Variants in MECOM observed in about 807,000 individuals in gnomAD.
MECOM encodes MDS1 and EVI1 complex locus, also known as histone-lysine N-methyltransferase MECOM.
A neutral mutation model predicts 116.3 loss-of-function variants in MECOM; 13 were observed. The observed-to-expected ratio is 0.11, with a 90% CI of 0.07 to 0.18. The LOEUF is 0.18. MECOM is among the 10% of genes least tolerant of loss of function. MECOM has a pLI of 1.00. For missense variants in MECOM, 1,299 were observed against 1,509.0 expected, an observed-to-expected ratio of 0.86 and a Z score of 2.31; for synonymous variants, 528 against 535.2, an observed-to-expected ratio of 0.99 and a Z score of 0.19.
intron 1 of MECOM, among the ~76,000 whole-genome samples, chr3:169,446,572 C>T (rs1221702839): frequency 6.6e-6 from 1 of 152,200 alleles, no homozygotes; most frequent in Non-Finnish European, 1.5e-5. Context: ...AGCCACCTTG[C>T]CCTGAGTTTA....
intron 1 of MECOM, among the ~76,000 whole-genome samples, chr3:169,508,308 G>A (rs1285683796): frequency 1.3e-5 from 2 of 151,928 alleles, no homozygotes; most frequent in African/African-American, 4.8e-5. Context: ...TGTTTTAACC[G>A]CTGTAAAATC....
chr3:169,489,069 A>G (rs1485387519), intron 1 of MECOM, among the ~76,000 whole-genome samples: 2 of 152,132 alleles, frequency 1.3e-5, no homozygotes, highest in African/African-American at 4.8e-5. Flanking sequence ...TACACAAGAG[A>G]TTTTTAAATG....
chr3:169,660,209 G>A (rs990140247), intron 1 of MECOM, among the ~76,000 whole-genome samples: 6 of 152,158 alleles, frequency 3.9e-5, no homozygotes, highest in Non-Finnish European at 7.4e-5. Context: ...AAGTCTCCCC[G>A]CGCTGCCAGA....
intron 1 of MECOM, among the ~76,000 whole-genome samples, chr3:169,505,253 G>A (rs1440578614): frequency 6.6e-6 from 1 of 151,406 alleles, no homozygotes; most frequent in Non-Finnish European, 1.5e-5. Context: ...AATTCTCAAA[G>A]TAGTTACAAT....
chr3:169,584,330 C>T (rs1268868391), intron 1 of MECOM, among the ~76,000 whole-genome samples: 3 of 151,768 alleles, frequency 2.0e-5, no homozygotes, highest in Non-Finnish European at 1.5e-5. Flanking sequence ...CTTTGGGAGG[C>T]CGGGGCGGGC....
In MECOM at chr3:169,263,109, A is replaced by G. The variant is rs1324082145; in HGVS notation, c.375+118078T>C. On this transcript the variant is annotated intron_variant, in intron 2 of 16. Transcript: ENST00000651503. ...TATATATATATATATATATATATAT[A>G]TATATATATATATATATATGTTTTT... 1.3e-3 allele frequency among the ~76,000 whole-genome samples: 90 copies of G among 70,548 alleles called. 1 individual carries two copies. The highest frequency in any genetic ancestry group is 4.2e-3 in the African/African-American group (45 of 10,792). 46.3% of individuals were successfully genotyped at this position (70,548 alleles called of 152,430 possible). A position where few individuals can be genotyped will look rare whatever the true frequency, so the allele number is the denominator to read the frequency against.
chr3:169,645,961 A>G (rs959963180), intron 1 of MECOM, among the ~76,000 whole-genome samples: 1 of 152,114 alleles, frequency 6.6e-6, no homozygotes, highest in Non-Finnish European at 1.5e-5. Context: ...CTATGCAGCC[A>G]TATTTGAAAG....
At chr3:169,438,314 T>A (rs1420533622) in intron 1 of MECOM, among the ~76,000 whole-genome samples, 1 of 152,166 alleles carries the variant, frequency 6.6e-6, no homozygotes, top group East Asian at 1.9e-4. Flanking sequence ...TGAGTCAAAA[T>A]TTGACATTCA....
chr3:169,467,853 A>G (rs1302959807), intron 1 of MECOM, among the ~76,000 whole-genome samples: 1 of 152,204 alleles, frequency 6.6e-6, no homozygotes, highest in Non-Finnish European at 1.5e-5. Flanking sequence ...ATAGGAAAGA[A>G]AATTGAGATG....
intron 9 of MECOM, among the ~76,000 whole-genome samples, chr3:169,109,104 A>G (rs1009688487): frequency 2.2e-4 from 33 of 152,232 alleles, no homozygotes; most frequent in Admixed American, 4.6e-4. Flanking sequence ...GATCCAAAAT[A>G]GGAACAAACG....
chr3:169,433,689 G>GAAAGAAAGAGAA (rs762521796), intron 1 of MECOM, among the ~76,000 whole-genome samples: 6 of 96,854 alleles, frequency 6.2e-5, no homozygotes, highest in South Asian at 3.5e-4. Flanking sequence ...AAGAAAGAAA[G>GAAAGAAAGAGAA]AGAAAGAAAG....
At chr3:169,318,994 G>A (rs113647062) in intron 2 of MECOM, among the ~76,000 whole-genome samples, 12 of 151,984 alleles carry the variant, frequency 7.9e-5, no homozygotes, top group African/African-American at 2.4e-4. Context: ...AGCTACTCGG[G>A]AGGTGAGGCA....
chr3:169,536,018 T>TA (rs1576764045), intron 1 of MECOM, among the ~76,000 whole-genome samples: 1 of 152,218 alleles, frequency 6.6e-6, no homozygotes, highest in East Asian at 1.9e-4. Flanking sequence ...CAGACTGTGC[T>TA]ATGCACTACT....
At chr3:169,621,239 C>T (rs1377247430) in intron 1 of MECOM, among the ~76,000 whole-genome samples, 1 of 152,200 alleles carries the variant, frequency 6.6e-6, no homozygotes, top group African/African-American at 2.4e-5. Flanking sequence ...TGAGAATTTA[C>T]ATAACTTGTC....
intron 2 of MECOM, among the ~76,000 whole-genome samples, chr3:169,238,311 C>T (rs1577432295): frequency 1.3e-5 from 2 of 151,982 alleles, no homozygotes. Context: ...TTAAGTCAAA[C>T]CTCATGCTAA....
chr3:169,260,905 T>G (rs1757452039), intron 2 of MECOM, among the ~76,000 whole-genome samples: 1 of 152,238 alleles, frequency 6.6e-6, no homozygotes, highest in Admixed American at 6.5e-5. Flanking sequence ...ATTTAATCAT[T>G]AATGAAATCA....
In MECOM at chr3:169,365,623, T is replaced by C. The variant is rs572304780; in HGVS notation, c.375+15564A>G. On this transcript the variant is annotated intron_variant, in intron 2 of 16. Coordinates refer to ENST00000651503, the MANE Select transcript of MECOM (RefSeq NM_004991.4). ...TTTTGGAGATGAAGGCAAAATGGCATCAAGCTTCTGTATTTCTATTTAATA... is the reference window on the plus strand; with the variant it reads ...TTTTGGAGATGAAGGCAAAATGGCACCAAGCTTCTGTATTTCTATTTAATA... Among the ~76,000 whole-genome samples the C allele has an allele frequency of 3.9e-5, 6 of 152,148 alleles. No homozygotes were observed. In the East Asian group the frequency reaches 9.7e-4, roughly 25 times the overall value.
chr3:169,185,589 T>C (rs993295808), intron 2 of MECOM, among the ~76,000 whole-genome samples: 2 of 152,198 alleles, frequency 1.3e-5, no homozygotes, highest in Non-Finnish European at 2.9e-5. Flanking sequence ...CCTGCAGATA[T>C]GGTACTTATC....
intron 1 of MECOM, among the ~76,000 whole-genome samples, chr3:169,390,450 TG>T (rs892902454): frequency 1.3e-5 from 2 of 152,166 alleles, no homozygotes; most frequent in African/African-American, 4.8e-5. Flanking sequence ...GTGAGGACTG[TG>T]GTTTATGTGT....
Sources: gnomAD v4.1 joint callset for allele counts (sites outside exome capture counted in the v4.1 genomes callset) on GRCh38, gnomAD v4.1.1 for gene constraint, MANE v1.5 for transcripts, NCBI Gene and HGNC (gene_info 2026-07-23, HGNC 2026-07-21) for gene names.